HS6ST3: variants seen among roughly 807,000 people sequenced by gnomAD.
HS6ST3 encodes heparan-sulfate 6-O-sulfotransferase 3.
Under a neutral mutation model 36.7 loss-of-function variants are expected in HS6ST3, and 12 were observed. The observed-to-expected ratio is 0.33, with a 90% CI of 0.21 to 0.53. HS6ST3 has a LOEUF of 0.53. HS6ST3 is among the 20% of genes least tolerant of loss of function. The pLI is 0.95. For missense variants in HS6ST3, 584 were observed against 640.9 expected, an observed-to-expected ratio of 0.91 and a Z score of 0.96; for synonymous variants, 240 against 257.5, an observed-to-expected ratio of 0.93 and a Z score of 0.65.
intron 1 of HS6ST3, among the ~76,000 whole-genome samples, chr13:96,653,130 A>G (rs1035689574): frequency 2.0e-5 from 3 of 152,094 alleles, no homozygotes; most frequent in African/African-American, 7.2e-5. Flanking sequence ...TATTCAGCTC[A>G]GTCTTGAACC....
At chr13:96,347,556 T>C (rs2055161704) in intron 1 of HS6ST3, among the ~76,000 whole-genome samples, 1 of 152,242 alleles carries the variant, frequency 6.6e-6, no homozygotes, top group Admixed American at 6.5e-5. Context: ...ATATTTGAAA[T>C]ATATAATAAA....
chr13:96,523,735 G>A (rs572494223), intron 1 of HS6ST3, among the ~76,000 whole-genome samples: 1 of 151,882 alleles, frequency 6.6e-6, no homozygotes, highest in Admixed American at 6.6e-5. Context: ...CTCTACATTC[G>A]TTATTCTAGA....
At chr13:96,116,170 G>A (rs542429391) in intron 1 of HS6ST3, among the ~76,000 whole-genome samples, 3 of 152,278 alleles carry the variant, frequency 2.0e-5, no homozygotes, top group Admixed American at 6.5e-5. Context: ...CCGGGAACTC[G>A]GCCGCAGGAA....
intron 1 of HS6ST3, among the ~76,000 whole-genome samples, chr13:96,775,456 A>G (rs906081527): frequency 5.9e-5 from 9 of 152,046 alleles, no homozygotes; most frequent in Non-Finnish European, 8.8e-5. Flanking sequence ...GCAAAGACAC[A>G]CATAGGCTCA....
At chr13:96,381,128 A>G (rs1333869065) in intron 1 of HS6ST3, among the ~76,000 whole-genome samples, 2 of 152,346 alleles carry the variant, frequency 1.3e-5, no homozygotes, top group Non-Finnish European at 1.5e-5. Flanking sequence ...ATAGTAACAC[A>G]TGAATTGTGT....
intron 1 of HS6ST3, among the ~76,000 whole-genome samples, chr13:96,800,189 A>T (rs991007884): frequency 8.6e-5 from 13 of 150,896 alleles, no homozygotes; most frequent in African/African-American, 2.9e-4. Flanking sequence ...CAGTAATTTT[A>T]TATATAGGTA....
At chr13:96,395,181 T>C (rs946087538) in intron 1 of HS6ST3, among the ~76,000 whole-genome samples, 1 of 152,176 alleles carries the variant, frequency 6.6e-6, no homozygotes, top group Admixed American at 6.5e-5. Context: ...AGATAAATTA[T>C]CTTTTGTAAT....
chr13:96,610,676 T>C (rs2056454166), intron 1 of HS6ST3, among the ~76,000 whole-genome samples: 1 of 152,130 alleles, frequency 6.6e-6, no homozygotes, highest in Non-Finnish European at 1.5e-5. Flanking sequence ...CTTGTGTTGA[T>C]TATCATGTTA....
chr13:96,159,543 C>T (rs2054126523), intron 1 of HS6ST3, among the ~76,000 whole-genome samples: 1 of 152,128 alleles, frequency 6.6e-6, no homozygotes, highest in Non-Finnish European at 1.5e-5. Context: ...TCCAGACTGT[C>T]TGAGATCAGA....
rs1457846590 is a variant in HS6ST3, at chr13:96,835,956, A to G, written c.*2758A>G. The G allele has an allele frequency of 1.3e-5, 2 of 152,260 alleles. No homozygotes were observed. Among genetic ancestry groups the G allele is most frequent in the Non-Finnish European group, 2.9e-5 (2 of 68,070 alleles). The allele number at this position is 152,260 out of a possible 1,614,324, so 9.4% of individuals were successfully genotyped here. A position where few individuals can be genotyped will look rare whatever the true frequency, so the allele number is the denominator to read the frequency against. ...GACCGACATGGGCTTCCTCCCTCAT[A>G]TCATTTCATTCTAAAGCAGCAAGCT... On this transcript the variant is annotated 3_prime_UTR_variant, in exon 2 of 2. Coordinates refer to ENST00000376705, the MANE Select transcript of HS6ST3 (RefSeq NM_153456.4).
At chr13:96,762,861 C>T (rs576079724) in intron 1 of HS6ST3, among the ~76,000 whole-genome samples, 1 of 152,274 alleles carries the variant, frequency 6.6e-6, no homozygotes, top group African/African-American at 2.4e-5. Context: ...CTTATCTCGT[C>T]CACTGACCTT....
chr13:96,173,966 T>C (rs570890284), intron 1 of HS6ST3, among the ~76,000 whole-genome samples: 64 of 152,160 alleles, frequency 4.2e-4, no homozygotes, highest in Non-Finnish European at 3.4e-4. Flanking sequence ...AAACCATACT[T>C]GTCACACTGT....
intron 1 of HS6ST3, among the ~76,000 whole-genome samples, chr13:96,325,037 C>T (rs1191545540): frequency 1.3e-5 from 2 of 152,120 alleles, no homozygotes; most frequent in East Asian, 3.8e-4. Flanking sequence ...TTTTAATTAT[C>T]TAGAAAAAGT....
At chr13:96,607,741 G>A (rs953942388) in intron 1 of HS6ST3, among the ~76,000 whole-genome samples, 1 of 152,182 alleles carries the variant, frequency 6.6e-6, no homozygotes, top group African/African-American at 2.4e-5. Context: ...ATAATTATGG[G>A]ATAGTCTTGA....
Position 96,436,424 on chromosome 13 carries a change from G to A in HS6ST3, c.707+344855G>A, listed in dbSNP as rs528748614. Among the ~76,000 whole-genome samples, 5 of 152,250 alleles carry A rather than the reference G, an allele frequency of 3.3e-5. No homozygotes were observed. In the South Asian group the frequency reaches 8.3e-4, roughly 25 times the overall value. ...TGCTTTCTTCACAGTACTGTACACA[G>A]TTACCACTGACATTTCCTTGATGAT... On this transcript the variant is annotated intron_variant, in intron 1 of 1. Transcript: ENST00000376705.
chr13:96,763,073 A>G (rs935089436), intron 1 of HS6ST3, among the ~76,000 whole-genome samples: 2 of 152,178 alleles, frequency 1.3e-5, no homozygotes, highest in Admixed American at 6.5e-5. Context: ...ATGATGTGGC[A>G]TGTTTCTTGT....
intron 1 of HS6ST3, among the ~76,000 whole-genome samples, chr13:96,805,129 A>C (rs1012592879): frequency 6.6e-6 from 1 of 152,184 alleles, no homozygotes; most frequent in African/African-American, 2.4e-5. Flanking sequence ...TTCCACTGAT[A>C]GCTGCCAAGA....
chr13:96,693,563 A>G (rs1430115762), intron 1 of HS6ST3, among the ~76,000 whole-genome samples: 1 of 152,180 alleles, frequency 6.6e-6, no homozygotes, highest in Non-Finnish European at 1.5e-5. Flanking sequence ...TCGGCCTCCC[A>G]AAGTGCTGGA....
chr13:96,536,731 A>C (rs2056156998), intron 1 of HS6ST3, among the ~76,000 whole-genome samples: 1 of 152,228 alleles, frequency 6.6e-6, no homozygotes, highest in African/African-American at 2.4e-5. Flanking sequence ...TGAAACAGCC[A>C]GGTAGAATGT....
Sources: gnomAD v4.1 joint callset for allele counts (sites outside exome capture counted in the v4.1 genomes callset) on GRCh38, gnomAD v4.1.1 for gene constraint, MANE v1.5 for transcripts, NCBI Gene and HGNC (gene_info 2026-07-23, HGNC 2026-07-21) for gene names.